KCNC2: variants seen among roughly 807,000 people sequenced by gnomAD.
KCNC2 encodes the protein potassium voltage-gated channel subfamily C member 2, also known as voltage-gated potassium channel KCNC2.
In KCNC2, 21 loss-of-function variants were observed where a neutral mutation model predicts 44.5. The ratio of observed to expected loss-of-function variants is 0.47; its 90% CI spans 0.33 to 0.68. KCNC2 has a LOEUF of 0.68. Among genes scored for constraint, KCNC2 ranks in the 30% least tolerant of loss-of-function variants. The pLI is 0.01. For synonymous variants in KCNC2, 391 were observed against 339.1 expected (o/e 1.15, Z -1.68); for missense variants, 589 against 826.2 (o/e 0.71, Z 3.52).
At chr12:75,165,203 T>C (rs974318404) in intron 2 of KCNC2, among the ~76,000 whole-genome samples, 2 of 151,730 alleles carry the variant, frequency 1.3e-5, no homozygotes, top group Non-Finnish European at 3.0e-5. Flanking sequence ...CTCTTTTGTG[T>C]ATTTTATGTA....
chr12:75,122,906 G>A (rs1410468173), intron 2 of KCNC2, among the ~76,000 whole-genome samples: 1 of 152,022 alleles, frequency 6.6e-6, no homozygotes, highest in Non-Finnish European at 1.5e-5. Context: ...CAGGTCTTAT[G>A]CCAATCTGCC....
chr12:75,195,396 G>A (rs1284600474), intron 2 of KCNC2, among the ~76,000 whole-genome samples: 1 of 152,096 alleles, frequency 6.6e-6, no homozygotes, highest in East Asian at 1.9e-4. Context: ...ATATTATAGT[G>A]TTAAATCTTG....
intron 2 of KCNC2, among the ~76,000 whole-genome samples, chr12:75,140,452 G>C (rs1889565169): frequency 6.6e-6 from 1 of 152,146 alleles, no homozygotes; most frequent in South Asian, 2.1e-4. Context: ...TAATTTAATA[G>C]TAAAAGTTAG....
chr12:75,173,157 G>A (rs2446315), intron 2 of KCNC2, among the ~76,000 whole-genome samples: 99,904 of 151,688 alleles, frequency 0.66, 35,036 homozygotes, highest in African/African-American at 0.91. Flanking sequence ...CACAATTTAC[G>A]TCTTCTCCCT....
At chr12:75,153,480 A>ACTC (rs1426824901) in intron 2 of KCNC2, among the ~76,000 whole-genome samples, 1 of 151,868 alleles carries the variant, frequency 6.6e-6, no homozygotes, top group Non-Finnish European at 1.5e-5. Context: ...TGGGAGGGTG[A>ACTC]GAAGGGGCTG....
At chr12:75,062,393 G>A (rs147333980) in intron 2 of KCNC2, among the ~76,000 whole-genome samples, 2 of 152,056 alleles carry the variant, frequency 1.3e-5, no homozygotes, top group African/African-American at 2.4e-5. Flanking sequence ...GGAGAATGAA[G>A]TTAACTTTTA....
intron 2 of KCNC2, among the ~76,000 whole-genome samples, chr12:75,127,697 C>A (rs1307050344): frequency 6.6e-6 from 1 of 152,118 alleles, no homozygotes; most frequent in Admixed American, 6.5e-5. Context: ...ATGGTTTTTA[C>A]CTGTACAAAG....
chr12:75,076,731 A>C (rs1884023131), intron 2 of KCNC2, among the ~76,000 whole-genome samples: 1 of 152,094 alleles, frequency 6.6e-6, no homozygotes, highest in Non-Finnish European at 1.5e-5. Flanking sequence ...CCCAATACAC[A>C]CTACTGTATT....
intron 2 of KCNC2, among the ~76,000 whole-genome samples, chr12:75,137,112 C>A (rs1889287995): frequency 1.3e-5 from 2 of 152,270 alleles, no homozygotes; most frequent in Middle Eastern, 6.8e-3. Flanking sequence ...CTAACAGACA[C>A]TTTTAGGGCT....
chr12:75,081,037 T>G (rs192769306), intron 2 of KCNC2, among the ~76,000 whole-genome samples: 1 of 152,104 alleles, frequency 6.6e-6, no homozygotes, highest in Admixed American at 6.6e-5. Flanking sequence ...AGGATAAAAT[T>G]TACAATTTTC....
intron 2 of KCNC2, among the ~76,000 whole-genome samples, chr12:75,077,044 C>G (rs1421817345): frequency 1.3e-5 from 2 of 152,152 alleles, no homozygotes; most frequent in Non-Finnish European, 2.9e-5. Context: ...GGGATTCATA[C>G]AGCTAATCAA....
chr12:75,145,666 G>C (rs1043216891), intron 2 of KCNC2, among the ~76,000 whole-genome samples: 2 of 151,982 alleles, frequency 1.3e-5, no homozygotes, highest in African/African-American at 4.8e-5. Context: ...CATTTAATCA[G>C]TGTCAAGGAT....
chr12:75,156,804 T>C (rs1036232992), intron 2 of KCNC2, among the ~76,000 whole-genome samples: 8 of 151,890 alleles, frequency 5.3e-5, no homozygotes, highest in Non-Finnish European at 1.2e-4. Context: ...GCTCCAAAAA[T>C]TCATTTAGAA....
chr12:75,177,320 T>A lies in KCNC2; in HGVS notation c.687+29977A>T, dbSNP rs540144529. 3.3e-5 allele frequency among the ~76,000 whole-genome samples: 5 copies of A among 152,034 alleles called. No individual in the cohort carries two copies. The South Asian group carries it at 1.0e-3, about 31-fold the overall frequency. On this transcript the variant is annotated intron_variant, in intron 2 of 4. Coordinates refer to ENST00000549446, the MANE Select transcript of KCNC2 (RefSeq NM_139137.4). Reference sequence around the variant, plus strand: ...CAGGGTTCAGGAAATATAACTAAAATTCTGTATAAATTAGTGTAGAATCCC... The same window carrying A: ...CAGGGTTCAGGAAATATAACTAAAAATCTGTATAAATTAGTGTAGAATCCC...
chr12:75,185,285 C>T (rs1238651774), intron 2 of KCNC2, among the ~76,000 whole-genome samples: 1 of 152,024 alleles, frequency 6.6e-6, no homozygotes, highest in Non-Finnish European at 1.5e-5. Context: ...TATTCAATTT[C>T]TCTGTATTTT....
At chr12:75,201,080 C>T (rs1380630468) in intron 2 of KCNC2, among the ~76,000 whole-genome samples, 1 of 151,188 alleles carries the variant, frequency 6.6e-6, no homozygotes, top group Admixed American at 6.6e-5. Context: ...AGCTGAACAT[C>T]TTCATGGGTT....
intron 2 of KCNC2, among the ~76,000 whole-genome samples, chr12:75,057,862 C>T (rs546405627): frequency 1.3e-3 from 197 of 151,384 alleles, no homozygotes; most frequent in African/African-American, 4.2e-3. Flanking sequence ...ATATCTTCTA[C>T]CATGTTTTCT....
intron 2 of KCNC2, among the ~76,000 whole-genome samples, chr12:75,116,762 T>C (rs1887688527): frequency 1.3e-5 from 2 of 152,138 alleles, no homozygotes; most frequent in African/African-American, 4.8e-5. Flanking sequence ...CTGTAGCCTG[T>C]ACCCACCCTT....
intron 2 of KCNC2, among the ~76,000 whole-genome samples, chr12:75,062,433 A>G (rs1882439340): frequency 6.6e-6 from 1 of 152,138 alleles, no homozygotes; most frequent in African/African-American, 2.4e-5. Flanking sequence ...ATTTTTATAT[A>G]TAGTGTTTTT....
Sources: gnomAD v4.1 joint callset for allele counts (sites outside exome capture counted in the v4.1 genomes callset) on GRCh38, gnomAD v4.1.1 for gene constraint, MANE v1.5 for transcripts, NCBI Gene and HGNC (gene_info 2026-07-23, HGNC 2026-07-21) for gene names.